Variants in COP1 observed in about 807,000 individuals in gnomAD.
COP1 encodes E3 ubiquitin-protein ligase COP1.
A neutral mutation model predicts 101.3 loss-of-function variants in COP1; 24 were observed. The ratio of observed to expected loss-of-function variants is 0.24; its 90% CI spans 0.17 to 0.33. COP1 has a LOEUF of 0.33. Among genes scored for constraint, COP1 ranks in the 10% least tolerant of loss-of-function variants. COP1 has a pLI of 1.00. For synonymous variants in COP1, 347 were observed against 341.9 expected, an observed-to-expected ratio of 1.01 and a Z score of -0.17; for missense variants, 663 against 906.2, an observed-to-expected ratio of 0.73 and a Z score of 3.45.
intron 11 of COP1, among the ~76,000 whole-genome samples, chr1:176,077,319 A>C (rs921277164): frequency 4.6e-5 from 7 of 152,182 alleles, no homozygotes; most frequent in Admixed American, 1.3e-4. Flanking sequence ...AGTATGCTTT[A>C]TTCCTGCAAT....
At chr1:176,090,940 G>C (rs2149451376) in intron 9 of COP1, among the ~76,000 whole-genome samples, 1 of 152,296 alleles carries the variant, frequency 6.6e-6, no homozygotes, top group South Asian at 2.1e-4. Context: ...CCCACAGTTA[G>C]ACACACTAAG....
At chr1:175,972,764 C>G (rs1448910981) in intron 18 of COP1, among the ~76,000 whole-genome samples, 2 of 152,110 alleles carry the variant, frequency 1.3e-5, no homozygotes, top group Non-Finnish European at 1.5e-5. Flanking sequence ...CTGCTCCCAG[C>G]CAAAAATGAC....
At chr1:176,157,521 A>C (rs1398872010) in intron 5 of COP1, among the ~76,000 whole-genome samples, 2 of 152,194 alleles carry the variant, frequency 1.3e-5, no homozygotes, top group African/African-American at 4.8e-5. Flanking sequence ...CAGAGTAGAA[A>C]AACCAAGAAA....
intron 14 of COP1, among the ~76,000 whole-genome samples, chr1:176,030,468 C>T (rs549534783): frequency 3.3e-5 from 5 of 152,018 alleles, no homozygotes; most frequent in African/African-American, 4.8e-5. Context: ...CGTTGTTTAA[C>T]GTTAATTAAA....
At chr1:176,162,480 G>C (rs941183600) in intron 5 of COP1, among the ~76,000 whole-genome samples, 13 of 152,124 alleles carry the variant, frequency 8.5e-5, no homozygotes, top group Non-Finnish European at 1.8e-4. Flanking sequence ...CCTGCTGAAA[G>C]AACTGTATGT....
chr1:176,086,330 A>C (rs145088823), intron 9 of COP1, among the ~76,000 whole-genome samples: 1 of 149,832 alleles, frequency 6.7e-6, no homozygotes, highest in African/African-American at 2.5e-5. Context: ...GTTTCTCGAC[A>C]TTCTCCTGCC....
At chr1:176,094,301 T>A (rs984587791) in intron 9 of COP1, among the ~76,000 whole-genome samples, 2 of 152,120 alleles carry the variant, frequency 1.3e-5, no homozygotes, top group East Asian at 3.9e-4. Context: ...AGCAACTAGG[T>A]TGCCTTATAA....
chr1:176,112,757 C>T (rs1343778353), intron 9 of COP1, among the ~76,000 whole-genome samples: 2 of 152,118 alleles, frequency 1.3e-5, no homozygotes, highest in African/African-American at 4.8e-5. Flanking sequence ...CCACTCTCTG[C>T]CTCCATGAGA....
intron 9 of COP1, among the ~76,000 whole-genome samples, chr1:176,095,693 A>G (rs1471412293): frequency 6.6e-6 from 1 of 152,112 alleles, no homozygotes; most frequent in Non-Finnish European, 1.5e-5. Context: ...AAAAAAAAAA[A>G]AAAAAGATGT....
At chr1:175,997,636 A>T (rs1478513687) in intron 15 of COP1, among the ~76,000 whole-genome samples, 1 of 152,210 alleles carries the variant, frequency 6.6e-6, no homozygotes, top group African/African-American at 2.4e-5. Context: ...CAGCCAAAAA[A>T]CACATGAAAA....
chr1:176,181,638 C>T (rs180762624), intron 2 of COP1, among the ~76,000 whole-genome samples: 5 of 151,976 alleles, frequency 3.3e-5, no homozygotes, highest in Non-Finnish European at 7.4e-5. Context: ...GTCACGAGAT[C>T]GAGACCATCC....
intron 3 of COP1, among the ~76,000 whole-genome samples, chr1:176,174,100 T>TATTTA (rs1696577912): frequency 2.0e-5 from 3 of 151,676 alleles, no homozygotes. Flanking sequence ...TCTCTCTCAC[T>TATTTA]ATTTAGAAAC....
At chr1:176,179,143 TA>T (rs2101967720) in intron 2 of COP1, among the ~76,000 whole-genome samples, 1 of 151,894 alleles carries the variant, frequency 6.6e-6, no homozygotes, top group African/African-American at 2.4e-5. Context: ...ATACAAGAAT[TA>T]GCGGGCATAT....
chr1:176,007,694 T>A (rs1483471498), intron 15 of COP1, among the ~76,000 whole-genome samples: 1 of 152,142 alleles, frequency 6.6e-6, no homozygotes, highest in Non-Finnish European at 1.5e-5. Flanking sequence ...GGAGGCAGTC[T>A]GCCTGTTCTC....
chr1:176,202,185 CTTTTTTTTT>C (rs11367274), intron 1 of COP1, among the ~76,000 whole-genome samples: 1 of 96,390 alleles, frequency 1.0e-5, no homozygotes, highest in African/African-American at 3.6e-5. Context: ...TTCTAGTTCA[CTTTTTTTTT>C]TTTTTTTTTT....
chr1:175,994,941 C>T (rs1659730342), intron 15 of COP1, among the ~76,000 whole-genome samples: 1 of 152,166 alleles, frequency 6.6e-6, no homozygotes, highest in Admixed American at 6.5e-5. Flanking sequence ...ATAGAATATA[C>T]ATTTTTTTCA....
At chr1:176,154,672 T>C (rs1693182422) in intron 5 of COP1, among the ~76,000 whole-genome samples, 1 of 151,844 alleles carries the variant, frequency 6.6e-6, no homozygotes, top group Non-Finnish European at 1.5e-5. Context: ...TCACGAAAAA[T>C]AACTAATGGA....
intron 11 of COP1, among the ~76,000 whole-genome samples, chr1:176,071,392 A>T (rs957473169): frequency 3.3e-5 from 5 of 152,172 alleles, no homozygotes; most frequent in African/African-American, 1.2e-4. Context: ...TTTATAAATT[A>T]CCCAGTCTCG....
At chr1:176,183,650 C>T (rs1698070482) in intron 2 of COP1, among the ~76,000 whole-genome samples, 2 of 152,156 alleles carry the variant, frequency 1.3e-5, no homozygotes, top group South Asian at 2.1e-4. Flanking sequence ...GATGTTTGTA[C>T]ACCCATGTTC....
Sources: allele counts gnomAD v4.1 joint callset (sites outside exome capture counted in the v4.1 genomes callset), GRCh38; gene constraint gnomAD v4.1.1; transcripts MANE v1.5; gene names NCBI Gene and HGNC (gene_info 2026-07-23, HGNC 2026-07-21).